The following TEX46 variants were observed in gnomAD, a reference collection of about 807,000 sequenced individuals.
TEX46 encodes testis-expressed protein 46.
Under a neutral mutation model 5.3 loss-of-function variants are expected in TEX46, and 6 were observed. The observed-to-expected ratio is 1.13, with a 90% confidence interval of 0.62 to 2.23. The LOEUF (loss-of-function observed/expected upper bound fraction) is 2.23. Among genes scored for constraint, TEX46 ranks in the 30% most tolerant of loss-of-function variants. The pLI is 0.00. For synonymous variants in TEX46, 41 were observed against 54.6 expected (o/e 0.75, Z 1.10); for missense variants, 131 against 150.9 (o/e 0.87, Z 0.69).
rs1195704448 is a variant in TEX46, at chr1:23,010,900, A to G, written c.*1T>C. ...GCAGAGGCCAGCCCGCCTCGGCCTC[A>G]TTAGCTGGGGGAACTCGAAGTACAG... On this transcript the variant is annotated 3_prime_UTR_variant, in exon 3 of 3. Transcript: ENST00000566855. 2 of 1,525,466 alleles carry G rather than the reference A, an allele frequency of 1.3e-6. No homozygotes were observed. Among genetic ancestry groups the G allele is most frequent in the Non-Finnish European group, 1.8e-6 (2 of 1,137,830 alleles). The allele number at this position is 1,525,466 out of a possible 1,614,324, so 94.5% of individuals were successfully genotyped here.
intron 2 of TEX46, 87 bp from the exon 3 acceptor site, chr1:23,011,188 G>A: frequency 9.8e-7 from 1 of 1,023,404 alleles, no homozygotes; most frequent in Middle Eastern, 2.0e-4. Flanking sequence ...GAAGTCTTTG[G>A]TTTCTCTTCC....
Position 23,010,925 on chromosome 1 carries a change from G to C in TEX46, c.342C>G (p.Asp114Glu). 1 of 1,530,552 alleles carries C rather than the reference G, an allele frequency of 6.5e-7. No individual in the cohort carries two copies. The highest frequency in any genetic ancestry group is 8.8e-7 in the Non-Finnish European group (1 of 1,142,064). The allele number at this position is 1,530,552 out of a possible 1,614,324, so 94.8% of individuals were successfully genotyped here. A position where few individuals can be genotyped will look rare whatever the true frequency, so the allele number is the denominator to read the frequency against. Residue 114 changes from aspartate to glutamate, a missense_variant, in exon 3 of 3, where the codon GAC (aspartate) becomes GAG (glutamate). Coordinates refer to ENST00000566855, the MANE Select transcript of TEX46 (RefSeq NM_001242521.2). Reference sequence around the variant, plus strand: ...ATTAGCTGGGGGAACTCGAAGTACAGTCAGACAGGGTGGGGCAAATTGACT... The same window carrying C: ...ATTAGCTGGGGGAACTCGAAGTACACTCAGACAGGGTGGGGCAAATTGACT... The part of the protein sequence containing the change: ...RHESICPTLS[D>E]CTSSSPS
intron 1 of TEX46, among the ~76,000 whole-genome samples, chr1:23,014,317 C>T (rs553893409): frequency 6.6e-6 from 1 of 152,260 alleles, no homozygotes; most frequent in Admixed American, 6.5e-5. Flanking sequence ...CCTCCTCATT[C>T]ATTCACCAGT....
chr1:23,013,631 C>A (rs1038041539), intron 2 of TEX46, among the ~76,000 whole-genome samples: 4 of 152,054 alleles, frequency 2.6e-5, no homozygotes, highest in African/African-American at 7.2e-5. Flanking sequence ...AGCATGTTGA[C>A]ATCAAACATG....
chr1:23,013,318 G>A (rs1198228876), intron 2 of TEX46, among the ~76,000 whole-genome samples: 2 of 152,038 alleles, frequency 1.3e-5, no homozygotes, highest in African/African-American at 2.4e-5. Flanking sequence ...TATTACAGGT[G>A]TGTGTCACCA....
Position 23,015,807 on chromosome 1 carries a change from AAGAGT to A in TEX46, c.-39_-35del. On this transcript the variant is annotated 5_prime_UTR_variant, in exon 1 of 3. Coordinates refer to ENST00000566855, the MANE Select transcript of TEX46 (RefSeq NM_001242521.2). The stretch of plus-strand genomic sequence containing the variant: ...TACAATAGTCAAATTCATAGAGGCA[AAGAGT>A]AGAATGGTGGCTGCCAGGGTCTGGA... 1 of 699,352 alleles carries A rather than the reference AAGAGT, an allele frequency of 1.4e-6. No homozygotes were observed. Among genetic ancestry groups the A allele is most frequent in the East Asian group, 2.7e-5 (1 of 37,250 alleles). The allele number at this position is 699,352 out of a possible 1,614,324, so 43.3% of individuals were successfully genotyped here.
chr1:23,012,034 C>T (rs562391628), intron 2 of TEX46, among the ~76,000 whole-genome samples: 17 of 151,806 alleles, frequency 1.1e-4, no homozygotes, highest in African/African-American at 3.9e-4. Context: ...GATTCAGCTA[C>T]AAACTAATGG....
At chr1:23,011,672 G>A (rs1361237050) in intron 2 of TEX46, among the ~76,000 whole-genome samples, 8 of 152,182 alleles carry the variant, frequency 5.3e-5, no homozygotes, top group Admixed American at 2.0e-4. Context: ...TGATCTGCCC[G>A]CCTTGGCCTC....
intron 2 of TEX46, among the ~76,000 whole-genome samples, chr1:23,011,748 A>G (rs1641353897): frequency 1.3e-5 from 2 of 152,138 alleles, no homozygotes; most frequent in East Asian, 1.9e-4. Flanking sequence ...TCTCAGCATC[A>G]TACAGCCTCA....
At chr1:23,014,962 C>G (rs1018443345) in intron 1 of TEX46, among the ~76,000 whole-genome samples, 1 of 152,036 alleles carries the variant, frequency 6.6e-6, no homozygotes, top group Non-Finnish European at 1.5e-5. Context: ...CCTGCCTTAG[C>G]CTCCCAAGTA....
At chr1:23,013,772 T>C in intron 2 of TEX46, 111 bp downstream of exon 2, 1 of 981,568 alleles carries the variant, frequency 1.0e-6, no homozygotes, top group Non-Finnish European at 1.5e-6. Context: ...CAGTCTTGGA[T>C]TCCCCAGTCT....
At chr1:23,015,715 G>A in intron 1 of TEX46, 57 bp downstream of exon 1, 1 of 689,330 alleles carries the variant, frequency 1.5e-6, no homozygotes, top group Non-Finnish European at 2.6e-6. Context: ...AGGACATTAA[G>A]CTAAGTGAAA....
rs1338390063 is a variant in TEX46, at chr1:23,010,873, C to T, written c.*28G>A. ...GTTTTACTGAGGTAAAAGGTAACAT[C>T]GGCAGAGGCCAGCCCGCCTCGGCCT... On this transcript the variant is annotated 3_prime_UTR_variant, in exon 3 of 3. Transcript: ENST00000566855. The T allele has an allele frequency of 4.7e-6, 7 of 1,497,232 alleles. No individual in the cohort carries two copies. Among genetic ancestry groups the T allele is most frequent in the East Asian group, 5.0e-5 (2 of 40,292 alleles). 92.7% of individuals were successfully genotyped at this position (1,497,232 alleles called of 1,614,324 possible).
intron 1 of TEX46, among the ~76,000 whole-genome samples, chr1:23,015,436 C>CAAAAAAA (rs61258225): frequency 0.014 from 400 of 27,782 alleles, 85 homozygotes; most frequent in Non-Finnish European, 0.016. Flanking sequence ...GACTCCTTCT[C>CAAAAAAA]AAAAAAAAAA....
chr1:23,014,358 T>C (rs1451062768), intron 1 of TEX46, among the ~76,000 whole-genome samples: 1 of 151,934 alleles, frequency 6.6e-6, no homozygotes, highest in Non-Finnish European at 1.5e-5. Flanking sequence ...GCAAAAAAAA[T>C]GGCCAATACA....
intron 1 of TEX46, among the ~76,000 whole-genome samples, chr1:23,014,376 TACC>T (rs907164241): frequency 1.3e-5 from 2 of 152,086 alleles, no homozygotes; most frequent in African/African-American, 4.8e-5. Flanking sequence ...ACAGAGCCCC[TACC>T]ATCATAGGGG....
At chr1:23,012,006 AT>A (rs534057908) in intron 2 of TEX46, among the ~76,000 whole-genome samples, 21 of 149,048 alleles carry the variant, frequency 1.4e-4, no homozygotes, top group Admixed American at 2.7e-4. Context: ...AATAACACTT[AT>A]TTTTTTTTTC....
intron 2 of TEX46, among the ~76,000 whole-genome samples, chr1:23,012,217 C>A (rs1641360771): frequency 6.6e-6 from 1 of 152,074 alleles, no homozygotes; most frequent in South Asian, 2.1e-4. Context: ...CCTGTGCACA[C>A]CTGTAGTCCC....
rs1557466717 is a variant in TEX46 at position 23,010,851 on chromosome 1, T to A, written c.*50A>T. The A allele has an allele frequency of 7.1e-7, 1 of 1,401,002 alleles. No homozygotes were observed. The highest frequency in any genetic ancestry group is 2.5e-5 in the East Asian group (1 of 39,672). The allele number at this position is 1,401,002 out of a possible 1,614,324, so 86.8% of individuals were successfully genotyped here. On this transcript the variant is annotated 3_prime_UTR_variant, in exon 3 of 3. Transcript: ENST00000566855. ...ACATTCAATAGGCTGTGACTGGGTT[T>A]TACTGAGGTAAAAGGTAACATCGGC...
Sources: allele counts gnomAD v4.1 joint callset (sites outside exome capture counted in the v4.1 genomes callset), GRCh38; gene constraint gnomAD v4.1.1; transcripts MANE v1.5; gene names NCBI Gene and HGNC (gene_info 2026-07-23, HGNC 2026-07-21).